LEKR1: variants seen among roughly 807,000 people sequenced by gnomAD.
The protein encoded by LEKR1 is leucine, glutamate and lysine rich 1.
Under a neutral mutation model 72.4 loss-of-function variants are expected in LEKR1, and 59 were observed. The observed-to-expected ratio is 0.82, with a 90% CI of 0.66 to 1.01. The LOEUF (loss-of-function observed/expected upper bound fraction) is 1.01. LEKR1 is among the 50% of genes least tolerant of loss of function. The pLI is 0.00. For missense variants in LEKR1, 728 were observed against 759.2 expected (o/e 0.96, Z 0.48); for synonymous variants, 257 against 263.2 (o/e 0.98, Z 0.23).
intron 5 of LEKR1, among the ~76,000 whole-genome samples, chr3:156,939,235 A>T (rs1408366506): frequency 6.6e-6 from 1 of 152,152 alleles, no homozygotes; most frequent in Non-Finnish European, 1.5e-5. Flanking sequence ...TGGTGTCATA[A>T]GAAGAAGAAA....
At chr3:156,834,703 G>T (rs1010989018) in intron 2 of LEKR1, among the ~76,000 whole-genome samples, 4 of 152,120 alleles carry the variant, frequency 2.6e-5, no homozygotes, top group African/African-American at 9.7e-5. Flanking sequence ...TATGTCCCCA[G>T]ATCTTACCTA....
intron 3 of LEKR1, among the ~76,000 whole-genome samples, chr3:156,872,679 C>T (rs555955550): frequency 6.6e-6 from 1 of 151,846 alleles, no homozygotes; most frequent in African/African-American, 2.4e-5. Flanking sequence ...TTTTTATTTC[C>T]TCCTTAATTT....
chr3:157,018,477 C>T (rs1036390460), intron 10 of LEKR1, among the ~76,000 whole-genome samples: 9 of 152,186 alleles, frequency 5.9e-5, no homozygotes, highest in African/African-American at 2.2e-4. Flanking sequence ...CAAATATTTT[C>T]TCTGACCACA....
At chr3:156,892,924 T>C (rs1720807357) in intron 3 of LEKR1, among the ~76,000 whole-genome samples, 1 of 152,202 alleles carries the variant, frequency 6.6e-6, no homozygotes, top group Admixed American at 6.5e-5. Context: ...GATAACTTCC[T>C]GTTTGCAATG....
chr3:156,996,859 G>T lies in LEKR1; in HGVS notation c.1109+3582G>T, dbSNP rs116564921. 4.1e-3 allele frequency among the ~76,000 whole-genome samples: 629 copies of T among 152,198 alleles called. 2 individuals carry two copies. Among genetic ancestry groups the T allele is most frequent in the African/African-American group, 0.015 (605 of 41,508 alleles). ...GTGGATGGATCATCTAAGGTCAGTG[G>T]TTCGCGAACAGCCTGGCCAACATAG... On this transcript the variant is annotated intron_variant, in intron 9 of 12. Transcript: ENST00000356539.
intron 11 of LEKR1, among the ~76,000 whole-genome samples, chr3:157,026,188 C>T (rs375758986): frequency 7.9e-5 from 12 of 152,298 alleles, no homozygotes; most frequent in South Asian, 4.1e-4. Context: ...AGAGGGTTCT[C>T]ACCTCTTGCT....
intron 5 of LEKR1, among the ~76,000 whole-genome samples, chr3:156,929,857 T>G (rs922054087): frequency 6.6e-6 from 1 of 152,080 alleles, no homozygotes; most frequent in Non-Finnish European, 1.5e-5. Flanking sequence ...TGCTTAGGAG[T>G]AAAACAATAT....
chr3:156,856,950 T>C (rs935193248), intron 3 of LEKR1, among the ~76,000 whole-genome samples: 1 of 152,096 alleles, frequency 6.6e-6, no homozygotes, highest in African/African-American at 2.4e-5. Context: ...AGAACAGTGT[T>C]GAATAATAAA....
At chr3:156,974,385 G>A (rs183911726) in intron 6 of LEKR1, among the ~76,000 whole-genome samples, 1 of 152,258 alleles carries the variant, frequency 6.6e-6, no homozygotes, top group East Asian at 1.9e-4. Flanking sequence ...AAATTCACAA[G>A]CATAAATGCT....
chr3:156,995,882 A>T (rs1731521825), intron 9 of LEKR1, among the ~76,000 whole-genome samples: 1 of 152,172 alleles, frequency 6.6e-6, no homozygotes, highest in Non-Finnish European at 1.5e-5. Flanking sequence ...CCAGTAGGTT[A>T]TCATGTGATC....
At chr3:156,897,238 G>A (rs937230425) in intron 3 of LEKR1, among the ~76,000 whole-genome samples, 2 of 152,160 alleles carry the variant, frequency 1.3e-5, no homozygotes, top group Admixed American at 1.3e-4. Context: ...CCAAGATGAT[G>A]GTATTCGGAG....
intron 9 of LEKR1, among the ~76,000 whole-genome samples, chr3:156,996,529 A>G (rs1244259355): frequency 6.6e-6 from 1 of 152,228 alleles, no homozygotes; most frequent in Non-Finnish European, 1.5e-5. Flanking sequence ...ATTTAAGCAG[A>G]AGAGTGACAC....
chr3:157,020,245 C>T (rs1436437943), intron 10 of LEKR1, among the ~76,000 whole-genome samples: 4 of 138,698 alleles, frequency 2.9e-5, no homozygotes, highest in Non-Finnish European at 6.1e-5. Context: ...AGGGACCCTG[C>T]TGATTTTCTT....
At chr3:156,837,665 C>T in intron 2 of LEKR1, among the ~76,000 whole-genome samples, 1 of 152,196 alleles carries the variant, frequency 6.6e-6, no homozygotes, top group East Asian at 1.9e-4. Flanking sequence ...TGTGAATATT[C>T]ATAGCACAAA....
intron 6 of LEKR1, among the ~76,000 whole-genome samples, chr3:156,970,455 G>A (rs1184508161): frequency 1.3e-5 from 2 of 152,040 alleles, no homozygotes; most frequent in African/African-American, 2.4e-5. Context: ...GGGTTTTTAT[G>A]GTTTTAGGTC....
intron 6 of LEKR1, among the ~76,000 whole-genome samples, chr3:156,964,199 C>T (rs1376485851): frequency 6.6e-6 from 1 of 152,104 alleles, no homozygotes; most frequent in East Asian, 1.9e-4. Context: ...GTGAATCCTT[C>T]TAGACTTTAT....
chr3:156,978,215 T>G (rs1342237970), intron 6 of LEKR1, among the ~76,000 whole-genome samples: 1 of 150,218 alleles, frequency 6.7e-6, no homozygotes, highest in African/African-American at 2.5e-5. Flanking sequence ...TAGAGTGAAT[T>G]TATTTTCTAA....
chr3:156,958,254 A>C (rs1353309475), intron 6 of LEKR1, among the ~76,000 whole-genome samples: 3 of 152,168 alleles, frequency 2.0e-5, no homozygotes, highest in Non-Finnish European at 2.9e-5. Flanking sequence ...ACATGTTCAC[A>C]AGTGTACTTC....
At chr3:156,865,210 G>A (rs1452446233) in intron 3 of LEKR1, among the ~76,000 whole-genome samples, 1 of 152,012 alleles carries the variant, frequency 6.6e-6, no homozygotes, top group Non-Finnish European at 1.5e-5. Flanking sequence ...TTAAGGTAGT[G>A]TTGAGGCTGG....
Sources: allele counts gnomAD v4.1 joint callset (sites outside exome capture counted in the v4.1 genomes callset), GRCh38; gene constraint gnomAD v4.1.1; transcripts MANE v1.5; gene names NCBI Gene and HGNC (gene_info 2026-07-23, HGNC 2026-07-21).